Variants in SORBS2 observed in about 807,000 individuals in gnomAD.
SORBS2 encodes the protein sorbin and SH3 domain-containing protein 2.
Under a neutral mutation model 97.7 loss-of-function variants are expected in SORBS2, and 46 were observed. The ratio of observed to expected loss-of-function variants is 0.47; its 90% CI spans 0.37 to 0.60. SORBS2 has a LOEUF of 0.60. Ranked by LOEUF, SORBS2 falls within the 20% of genes least tolerant of loss-of-function variation. The pLI is 0.00. For missense variants in SORBS2, 1,316 were observed against 1,282.3 expected (o/e 1.03, Z -0.40); for synonymous variants, 476 against 473.4 (o/e 1.01, Z -0.07).
chr4:185,798,756 T>C (rs561096104), intron 1 of SORBS2, among the ~76,000 whole-genome samples: 1 of 152,336 alleles, frequency 6.6e-6, no homozygotes, highest in East Asian at 1.9e-4. Context: ...TTTGCCCCAT[T>C]CTTTCTGCTA....
exon 15 of SORBS2, chr4:185,585,907 T>A (rs2095796201): frequency 6.6e-6 from 1 of 152,260 alleles, no homozygotes; most frequent in Non-Finnish European, 1.5e-5. Flanking sequence ...TACATTTCAT[T>A]TGGCTTCTAC....
At chr4:185,651,695 A>G in intron 2 of SORBS2, 89 bp downstream of exon 11, 1 of 796,240 alleles carries the variant, frequency 1.3e-6, no homozygotes, top group Non-Finnish European at 2.2e-6. Context: ...ACATGTGCTC[A>G]AACAGAAGGG....
intron 1 of SORBS2, among the ~76,000 whole-genome samples, chr4:185,924,057 A>G (rs113031093): frequency 0.066 from 10,056 of 152,306 alleles, 370 homozygotes; most frequent in African/African-American, 0.11. Flanking sequence ...CAGCAGAGCC[A>G]GGAACCCAGG....
At chr4:185,813,933 G>T (rs1219798607) in intron 1 of SORBS2, among the ~76,000 whole-genome samples, 1 of 152,102 alleles carries the variant, frequency 6.6e-6, no homozygotes, top group Non-Finnish European at 1.5e-5. Context: ...TCTGGTCCAT[G>T]TCTTCTTTGC....
intron 4 of SORBS2, among the ~76,000 whole-genome samples, chr4:185,664,996 C>T (rs1222717466): frequency 6.6e-6 from 1 of 151,990 alleles, no homozygotes; most frequent in Admixed American, 6.5e-5. Context: ...ATTCACAGAT[C>T]ATTTATTAGG....
chr4:185,756,765 C>G (rs528364636), intron 2 of SORBS2, among the ~76,000 whole-genome samples: 113 of 137,302 alleles, frequency 8.2e-4, no homozygotes, highest in African/African-American at 3.0e-3. Flanking sequence ...AAAATCAGTT[C>G]CAGGTTTTTT....
chr4:185,672,861 G>A (rs1028829694), intron 4 of SORBS2, among the ~76,000 whole-genome samples: 5 of 152,164 alleles, frequency 3.3e-5, no homozygotes, highest in Non-Finnish European at 4.4e-5. Flanking sequence ...AGAATGCGGA[G>A]TGCAAGTGTT....
At chr4:185,894,959 C>T (rs1009527668) in intron 1 of SORBS2, among the ~76,000 whole-genome samples, 26 of 152,214 alleles carry the variant, frequency 1.7e-4, no homozygotes, top group African/African-American at 2.4e-5. Flanking sequence ...GACACCCCGG[C>T]TGGGCCCATG....
intron 2 of SORBS2, among the ~76,000 whole-genome samples, chr4:185,701,776 T>TC: frequency 3.7e-4 from 1 of 2,718 alleles, no homozygotes; most frequent in Non-Finnish European, 1.8e-3. Context: ...AATTTCTTTC[T>TC]TTTTTTTTTT....
intron 1 of SORBS2, among the ~76,000 whole-genome samples, chr4:185,806,436 ATTTTTTTTTTTTTTTTTTT>A: frequency 4.4e-5 from 1 of 22,724 alleles, no homozygotes; most frequent in African/African-American, 1.4e-4. Context: ...CTAGAATCCT[ATTTTTTTTTTTTTTTTTTT>A]TTTTTTTTTT....
At chr4:185,949,216 G>A (rs1451612135) in intron 1 of SORBS2, among the ~76,000 whole-genome samples, 2 of 152,242 alleles carry the variant, frequency 1.3e-5, no homozygotes, top group Admixed American at 1.3e-4. Context: ...TAAAATTGCA[G>A]GAGGAAGCAG....
At chr4:185,814,589 G>A (rs1467731392) in intron 1 of SORBS2, among the ~76,000 whole-genome samples, 1 of 150,946 alleles carries the variant, frequency 6.6e-6, no homozygotes, top group Admixed American at 6.6e-5. Flanking sequence ...AATATCTGAA[G>A]TCATTTTCCT....
At chr4:185,893,357 G>A (rs558413335) in intron 1 of SORBS2, among the ~76,000 whole-genome samples, 20 of 152,326 alleles carry the variant, frequency 1.3e-4, no homozygotes, top group East Asian at 9.6e-4. Context: ...CCACTGCCGC[G>A]CTGGAGCAAA....
intron 4 of SORBS2, 123 bp from the exon 15 acceptor site, chr4:185,638,285 C>T: frequency 1.4e-6 from 1 of 699,390 alleles, no homozygotes; most frequent in East Asian, 2.5e-5. Flanking sequence ...TCTCACCCCA[C>T]GAACCTCAGC....
intron 1 of SORBS2, among the ~76,000 whole-genome samples, chr4:185,871,304 C>T (rs1253146659): frequency 6.6e-6 from 1 of 152,086 alleles, no homozygotes; most frequent in Non-Finnish European, 1.5e-5. Flanking sequence ...CAGAAAAACA[C>T]TAAGCCCATG....
In SORBS2 at chr4:185,623,347, C is replaced by T. The variant is rs1374426491; in HGVS notation, c.1782G>A (p.Met594Ile). The T allele has an allele frequency of 2.4e-5, 38 of 1,613,794 alleles. No individual in the cohort carries two copies. In the Admixed American group the frequency reaches 6.2e-4, roughly 26 times the overall value. The change falls in exon 7 of 15, where the codon ATG becomes ATA. Residue 594 changes from methionine to isoleucine, a missense_variant. By Grantham distance (10) the Met-to-Ile change is conservative (BLOSUM62 1). Coordinates refer to ENST00000418609, the Ensembl canonical transcript of SORBS2. The surrounding 1 kb of genome is among the most constrained non-coding windows in gnomAD (Gnocchi z 6.4). ...AAGCAAGTTTAGAAAGGCCAGGGTC[C>T]ATTTCTTGCCTTCTGGGCTCCTCGG... is the stretch of plus-strand genomic sequence containing the variant.
rs200438460 is a variant in SORBS2, at chr4:185,730,161, C to G, written c.-198+45066G>C. Among the ~76,000 whole-genome samples, 3 of 151,982 alleles carry G rather than the reference C, an allele frequency of 2.0e-5. No homozygotes were observed. The East Asian group carries it at 5.8e-4, about 29-fold the overall frequency. ...TAGAGACGGGGTTTCACTGTGTTAG[C>G]CAGGATGGTCTCGATCTGTGAAGTT... On this transcript the variant is annotated intron_variant, in intron 2 of 20. Transcript: ENST00000284776.
At chr4:185,946,925 G>A (rs1416135285) in intron 1 of SORBS2, among the ~76,000 whole-genome samples, 1 of 152,142 alleles carries the variant, frequency 6.6e-6, no homozygotes, top group African/African-American at 2.4e-5. Context: ...TGTGTGCCAG[G>A]GTCATACAAC....
chr4:185,898,050 AG>A (rs2099245897), intron 1 of SORBS2, among the ~76,000 whole-genome samples: 1 of 152,232 alleles, frequency 6.6e-6, no homozygotes, highest in Admixed American at 6.5e-5. Flanking sequence ...CAAACAAAAA[AG>A]CTCAGGAGTT....
Sources: gnomAD v4.1 joint callset for allele counts (sites outside exome capture counted in the v4.1 genomes callset) on GRCh38, gnomAD v4.1.1 for gene constraint, Gnocchi (gnomAD v3.1) non-coding constraint, MANE v1.5 for transcripts, NCBI Gene and HGNC (gene_info 2026-07-23, HGNC 2026-07-21) for gene names.